IQCM: variants seen among roughly 807,000 people sequenced by gnomAD.
IQCM encodes the protein IQ domain-containing protein M.
IQCM carries 45 observed loss-of-function variants against 57.6 expected under a neutral mutation model. The ratio of observed to expected loss-of-function variants is 0.78; its 90% CI spans 0.62 to 1.00. The LOEUF (loss-of-function observed/expected upper bound fraction) is 1.00, where lower values mean the gene tolerates loss of function less well. Among genes scored for constraint, IQCM ranks in the 50% least tolerant of loss-of-function variants. IQCM has a pLI of 0.00. For synonymous variants in IQCM, 148 were observed against 158.9 expected (o/e 0.93, Z 0.51); for missense variants, 468 against 511.6 (o/e 0.91, Z 0.82).
At chr4:149,476,940 G>A (rs143182789) in intron 12 of IQCM, among the ~76,000 whole-genome samples, 309 of 152,114 alleles carry the variant, frequency 2.0e-3, no homozygotes, top group Non-Finnish European at 2.8e-3. Flanking sequence ...TATATTAAAC[G>A]GAAATCACAT....
At chr4:149,576,248 C>T (rs1751636769) in intron 9 of IQCM, among the ~76,000 whole-genome samples, 1 of 151,546 alleles carries the variant, frequency 6.6e-6, no homozygotes, top group African/African-American at 2.4e-5. Flanking sequence ...TATTTTGTCA[C>T]CCAAGTAATA....
chr4:149,754,928 G>C (rs758270010), intron 2 of IQCM, among the ~76,000 whole-genome samples: 8 of 152,100 alleles, frequency 5.3e-5, no homozygotes, highest in Non-Finnish European at 1.2e-4. Flanking sequence ...CATCAAAACT[G>C]AGTTCCTGAT....
At chr4:149,406,666 C>T (rs1161408172) in intron 13 of IQCM, among the ~76,000 whole-genome samples, 3 of 152,168 alleles carry the variant, frequency 2.0e-5, no homozygotes, top group Non-Finnish European at 4.4e-5. Context: ...GATCATCACA[C>T]AGCACACAAA....
intron 8 of IQCM, among the ~76,000 whole-genome samples, chr4:149,591,872 T>A (rs142973918): frequency 1.3e-5 from 2 of 152,176 alleles, no homozygotes; most frequent in Non-Finnish European, 2.9e-5. Context: ...TTTGGGTTGG[T>A]TCCAAGTCTT....
intron 13 of IQCM, among the ~76,000 whole-genome samples, chr4:149,385,765 C>A (rs1286420805): frequency 6.6e-6 from 1 of 152,062 alleles, no homozygotes; most frequent in Non-Finnish European, 1.5e-5. Context: ...CCCAAAATAT[C>A]TTTCAAATAA....
At chr4:149,356,304 C>A (rs1279913569) in intron 13 of IQCM, among the ~76,000 whole-genome samples, 1 of 152,162 alleles carries the variant, frequency 6.6e-6, no homozygotes, top group African/African-American at 2.4e-5. Flanking sequence ...GTGTTTTAGA[C>A]ATGAAGTCCC....
intron 9 of IQCM, among the ~76,000 whole-genome samples, chr4:149,580,027 A>G (rs1477743167): frequency 6.6e-6 from 1 of 151,828 alleles, no homozygotes. Context: ...CAAGCAGATC[A>G]GTATCACCTG....
chr4:149,398,445 T>G lies in IQCM; in HGVS notation c.1390+34951A>C, dbSNP rs183003847. Among the ~76,000 whole-genome samples, 362 of 152,162 alleles carry G rather than the reference T, an allele frequency of 2.4e-3. 3 individuals are homozygous for G. Among genetic ancestry groups the G allele is most frequent in the Middle Eastern group, 0.01 (3 of 294 alleles). On this transcript the variant is annotated intron_variant, in intron 13 of 13. Coordinates refer to ENST00000636793, the MANE Select transcript of IQCM (RefSeq NM_001363507.2). Reference sequence around the variant, plus strand: ...GATACATTGAATCCGTAGGTCACTTTGCTAGTATAGACATGTTAACAATAA... The same window carrying G: ...GATACATTGAATCCGTAGGTCACTTGGCTAGTATAGACATGTTAACAATAA...
At chr4:149,421,304 T>C (rs927527066) in intron 13 of IQCM, among the ~76,000 whole-genome samples, 5 of 152,006 alleles carry the variant, frequency 3.3e-5, no homozygotes, top group African/African-American at 7.2e-5. Flanking sequence ...CAATTATTTT[T>C]TGCACAGATA....
In IQCM at chr4:149,375,638, G is replaced by T. The variant is rs1383880711; in HGVS notation, c.1391-23572C>A. ...CTTTTTGTCATTGGTCTCTTTCCAG[G>T]TCTTTTACAAAAATATGAACTACAA... On this transcript the variant is annotated intron_variant, in intron 13 of 13. Transcript: ENST00000636793. Among the ~76,000 whole-genome samples the T allele has an allele frequency of 2.0e-5, 3 of 152,088 alleles. No homozygotes were observed. The East Asian group carries it at 5.8e-4, about 29-fold the overall frequency.
intron 8 of IQCM, among the ~76,000 whole-genome samples, chr4:149,589,494 C>A (rs1752931302): frequency 6.6e-6 from 1 of 152,004 alleles, no homozygotes; most frequent in Non-Finnish European, 1.5e-5. Flanking sequence ...TCAGCATTGA[C>A]ATACACTGAT....
chr4:149,481,701 G>GTTTTGTTTTT (rs1740817619), intron 12 of IQCM, among the ~76,000 whole-genome samples: 2 of 51,546 alleles, frequency 3.9e-5, no homozygotes, highest in African/African-American at 7.6e-5. Flanking sequence ...TTCCAGTTTT[G>GTTTTGTTTTT]TTTTTTTTTT....
At chr4:149,735,246 T>C (rs1379052877) in intron 4 of IQCM, 130 bp downstream of exon 4, 1 of 437,142 alleles carries the variant, frequency 2.3e-6, no homozygotes, top group Non-Finnish European at 3.8e-6. Flanking sequence ...AGCATTTCAT[T>C]TTTCTCTTCA....
intron 8 of IQCM, among the ~76,000 whole-genome samples, chr4:149,602,074 C>G (rs1754362048): frequency 6.8e-6 from 1 of 146,564 alleles, no homozygotes. Context: ...ATGCTTTTTA[C>G]TAAACAACGA....
intron 12 of IQCM, among the ~76,000 whole-genome samples, chr4:149,453,262 G>T (rs1471901209): frequency 2.6e-5 from 4 of 151,714 alleles, no homozygotes; most frequent in African/African-American, 7.2e-5. Context: ...TAGAAGGAAA[G>T]ACAGGAGTAA....
chr4:149,532,420 G>A (rs966667403), intron 12 of IQCM, among the ~76,000 whole-genome samples: 3 of 151,648 alleles, frequency 2.0e-5, no homozygotes, highest in African/African-American at 4.8e-5. Context: ...AGTATTACCT[G>A]GGAAATACTA....
chr4:149,626,418 A>G (rs1381142095), intron 7 of IQCM, among the ~76,000 whole-genome samples: 6 of 53,456 alleles, frequency 1.1e-4, no homozygotes, highest in Non-Finnish European at 2.5e-4. Flanking sequence ...TTTATAGCAA[A>G]TAAGACATAC....
At position 149,659,281 on chromosome 4, in the gene IQCM, G is replaced by A. The variant is rs531627670; in HGVS notation, c.565+22837C>T. On this transcript the variant is annotated intron_variant, in intron 7 of 13. Coordinates refer to ENST00000636793, the MANE Select transcript of IQCM (RefSeq NM_001363507.2). ...CCTAGGAATCCAACTTACAAGGGAC[G>A]TGAAGGACCCCTTCAAGAACTACAA... Among the ~76,000 whole-genome samples, 10 of 152,102 alleles carry A rather than the reference G, an allele frequency of 6.6e-5. No homozygotes were observed. The East Asian group carries it at 9.7e-4, about 15-fold the overall frequency.
chr4:149,667,765 C>G (rs1356432051), intron 7 of IQCM, among the ~76,000 whole-genome samples: 2 of 151,708 alleles, frequency 1.3e-5, no homozygotes, highest in Non-Finnish European at 2.9e-5. Flanking sequence ...AAACACAGCA[C>G]AAGAACTTCG....
Sources: allele counts gnomAD v4.1 joint callset (sites outside exome capture counted in the v4.1 genomes callset), GRCh38; gene constraint gnomAD v4.1.1; transcripts MANE v1.5; gene names NCBI Gene and HGNC (gene_info 2026-07-23, HGNC 2026-07-21).